GPLD1: variants seen among roughly 807,000 people sequenced by gnomAD.
GPLD1 encodes the protein phosphatidylinositol-glycan-specific phospholipase D.
GPLD1 carries 84 observed loss-of-function variants against 112.6 expected under a neutral mutation model. That is an observed-to-expected ratio of 0.75 (90% CI 0.63 to 0.89). The LOEUF (loss-of-function observed/expected upper bound fraction) is 0.89. GPLD1 is among the 40% of genes least tolerant of loss of function. The pLI is 0.00. For missense variants in GPLD1, 1,044 were observed against 1,051.5 expected (o/e 0.99, Z 0.10); for synonymous variants, 386 against 403.8 (o/e 0.96, Z 0.53).
At chr6:24,471,727 T>C (rs1254524890) in intron 7 of GPLD1, among the ~76,000 whole-genome samples, 1 of 152,202 alleles carries the variant, frequency 6.6e-6, no homozygotes, top group Non-Finnish European at 1.5e-5. Context: ...GTTTTCTTTC[T>C]TTTTATTTAA....
chr6:24,438,025 C>T (rs1371852155), intron 20 of GPLD1, among the ~76,000 whole-genome samples: 2 of 152,214 alleles, frequency 1.3e-5, no homozygotes, highest in Non-Finnish European at 2.9e-5. Context: ...GCCCACAAAA[C>T]ATGGGCAAGT....
At chr6:24,475,254 T>A in intron 4 of GPLD1, 23 bp from the exon 5 acceptor site, 1 of 1,177,688 alleles carries the variant, frequency 8.5e-7, no homozygotes, top group Non-Finnish European at 1.3e-6. Context: ...CAAATTAGAG[T>A]CATGTGTGTT....
chr6:24,471,013 G>C (rs1484890025), intron 7 of GPLD1, among the ~76,000 whole-genome samples: 1 of 152,148 alleles, frequency 6.6e-6, no homozygotes, highest in East Asian at 1.9e-4. Flanking sequence ...AATCTTATTT[G>C]AAAGAACAAA....
intron 23 of GPLD1, 50 bp from the exon 24 acceptor site, chr6:24,433,287 C>A: frequency 6.3e-7 from 1 of 1,587,820 alleles, no homozygotes; most frequent in Non-Finnish European, 8.6e-7. Flanking sequence ...TAGTGTAATA[C>A]TTTATCCGTT....
At chr6:24,452,586 A>C (rs1463473964) in intron 14 of GPLD1, among the ~76,000 whole-genome samples, 1 of 152,100 alleles carries the variant, frequency 6.6e-6, no homozygotes, top group Non-Finnish European at 1.5e-5. Flanking sequence ...GACCAGCCTT[A>C]CCAATATGGT....
rs528653607 is a variant in GPLD1 at position 24,446,870 on chromosome 6, C to A, written c.1788G>T (p.Leu596Phe). 74 of 1,613,946 alleles carry A rather than the reference C, an allele frequency of 4.6e-5. 1 individual carries two copies. The South Asian group carries it at 7.8e-4, about 17-fold the overall frequency. Reference sequence around the variant, plus strand: ...CATTCTTCCAGGTCGGGCTCCCAACCAACAGCAAGGTTCTGTTGTCCACAG... The same window carrying A: ...CATTCTTCCAGGTCGGGCTCCCAACAAACAGCAAGGTTCTGTTGTCCACAG... The part of the protein sequence containing the change: ...GVTVDNRTLL[L>F]VGSPTWKNAS... The change falls in exon 18 of 25, where the codon TTG (leucine) becomes TTT (phenylalanine). Residue 596 changes from leucine (L) to phenylalanine (F), a missense_variant. By Grantham distance (22) the Leu-to-Phe change is conservative. Transcript: ENST00000230036.
chr6:24,447,583 C>T (rs537045003), intron 17 of GPLD1, among the ~76,000 whole-genome samples: 11 of 152,202 alleles, frequency 7.2e-5, no homozygotes, highest in Non-Finnish European at 1.3e-4. Context: ...GAGAGCACCA[C>T]TGAGATGCCT....
intron 7 of GPLD1, among the ~76,000 whole-genome samples, chr6:24,470,328 A>T (rs1008869378): frequency 6.6e-6 from 1 of 152,180 alleles, no homozygotes; most frequent in African/African-American, 2.4e-5. Context: ...AGAGATAAAG[A>T]GGGATTTTGC....
intron 14 of GPLD1, 69 bp from the exon 15 acceptor site, chr6:24,449,968 G>A: frequency 8.9e-7 from 1 of 1,124,546 alleles, no homozygotes; most frequent in South Asian, 1.4e-5. Flanking sequence ...CTGACCCCCA[G>A]GGAGTAGAGA....
rs559513278 is a variant in GPLD1 at position 24,458,654 on chromosome 6, G to A, written c.1008+1625C>T. ...AGCACTTTGGGAGGCCCAGGTGGGC[G>A]GATTACCTAAGGTCAGGAGTTCAAG... On this transcript the variant is annotated intron_variant, in intron 12 of 24. Transcript: ENST00000230036. 2.1e-3 allele frequency among the ~76,000 whole-genome samples: 325 copies of A among 152,234 alleles called. 1 individual carries two copies. Among genetic ancestry groups the A allele is most frequent in the Non-Finnish European group, 1.9e-3 (127 of 68,010 alleles).
At chr6:24,466,302 C>T (rs993929744) in intron 10 of GPLD1, among the ~76,000 whole-genome samples, 26 of 152,164 alleles carry the variant, frequency 1.7e-4, no homozygotes, top group Non-Finnish European at 7.4e-5. Flanking sequence ...AAGCCGAGAT[C>T]GTGCCACTGT....
At chr6:24,448,112 C>A (rs1311639219) in intron 16 of GPLD1, 22 bp downstream of exon 16, 2 of 1,611,592 alleles carry the variant, frequency 1.2e-6, no homozygotes, top group South Asian at 2.2e-5. Flanking sequence ...GTTTCTGCAC[C>A]TGGCTAAAGT....
intron 20 of GPLD1, among the ~76,000 whole-genome samples, chr6:24,438,064 G>C (rs577355561): frequency 1.3e-5 from 2 of 152,312 alleles, no homozygotes; most frequent in South Asian, 4.1e-4. Flanking sequence ...GGACCTCTGA[G>C]TTCAGGTAAG....
intron 7 of GPLD1, 59 bp downstream of exon 7, chr6:24,472,523 A>T: frequency 1.1e-6 from 1 of 951,986 alleles, no homozygotes; most frequent in Non-Finnish European, 1.7e-6. Flanking sequence ...TCTAAGAAAA[A>T]AAGTCAAGGC....
chr6:24,495,274 G>T (rs765561257), upstream of GPLD1: 52 of 1,532,622 alleles, frequency 3.4e-5, no homozygotes, highest in South Asian at 8.3e-5. Context: ...GTAGCCGACT[G>T]CGGGGTGCGA....
At chr6:24,441,166 C>T (rs1284562888) in intron 20 of GPLD1, among the ~76,000 whole-genome samples, 1 of 150,950 alleles carries the variant, frequency 6.6e-6, no homozygotes, top group Non-Finnish European at 1.5e-5. Context: ...AATAGCTGGG[C>T]ATGGTGGTGC....
Position 24,454,071 on chromosome 6 carries a change from G to A in GPLD1, c.1279C>T (p.Pro427Ser). 1 of 1,613,330 alleles carries A rather than the reference G, an allele frequency of 6.2e-7. No homozygotes were observed. The highest frequency in any genetic ancestry group is 8.5e-7 in the Non-Finnish European group (1 of 1,179,372). The change falls in exon 14 of 25, where the codon CCA becomes TCA. Residue 427 changes from proline (P) to serine (S), a missense_variant. Transcript: ENST00000230036. ...YLIYGNDLGL[P>S]PVDLDLDKEA... is the part of the protein sequence containing the mutation. ...TTGTCCAGGTCCAGGTCAACAGGTGGCAGGCCCAGGTCATTGCCGTAGATG... is the reference window on the plus strand; with the variant it reads ...TTGTCCAGGTCCAGGTCAACAGGTGACAGGCCCAGGTCATTGCCGTAGATG...
intron 22 of GPLD1, among the ~76,000 whole-genome samples, chr6:24,434,890 G>A (rs1414636896): frequency 6.6e-6 from 1 of 151,136 alleles, no homozygotes; most frequent in Non-Finnish European, 1.5e-5. Context: ...AGCTGGTGCT[G>A]AACTCCTGAG....
chr6:24,482,778 G>T (rs948536814), intron 2 of GPLD1, among the ~76,000 whole-genome samples: 4 of 147,098 alleles, frequency 2.7e-5, no homozygotes, highest in Non-Finnish European at 4.5e-5. Context: ...GGGTGACATG[G>T]CAAGACTCTG....
Sources: gnomAD v4.1 joint callset for allele counts (sites outside exome capture counted in the v4.1 genomes callset) on GRCh38, gnomAD v4.1.1 for gene constraint, MANE v1.5 for transcripts, NCBI Gene and HGNC (gene_info 2026-07-23, HGNC 2026-07-21) for gene names.